Variants in CCDC50 observed in about 807,000 individuals in gnomAD.
CCDC50 encodes coiled-coil domain-containing protein 50.
Under a neutral mutation model 70.2 loss-of-function variants are expected in CCDC50, and 54 were observed. The ratio of observed to expected loss-of-function variants is 0.77; its 90% confidence interval spans 0.62 to 0.96. The LOEUF is 0.96. CCDC50 is among the 50% of genes least tolerant of loss of function. The pLI is 0.00. For missense variants in CCDC50, 558 were observed against 578.7 expected (o/e 0.96, Z 0.37); for synonymous variants, 216 against 198.8 (o/e 1.09, Z -0.73).
chr3:191,364,278 A>G (rs530712719), intron 4 of CCDC50, among the ~76,000 whole-genome samples: 1 of 152,088 alleles, frequency 6.6e-6, no homozygotes, highest in African/African-American at 2.4e-5. Flanking sequence ...CATGTTGGCT[A>G]GGATGGTATT....
rs79890347 is a variant in CCDC50 at position 191,380,116 on chromosome 3, C to T, written c.977-43C>T. ...AATTTCTTAACTTTTCAGAAAACAT[C>T]CTCGGTTGTTTTATTACATTGAGTT... is the stretch of plus-strand genomic sequence containing the variant. On this transcript the variant is annotated intron_variant, in intron 6 of 11. Transcript: ENST00000392455. The T allele has an allele frequency of 3.4e-3, 4,246 of 1,235,144 alleles. 122 individuals are homozygous for T. The African/African-American group carries it at 0.059, about 17-fold the overall frequency. 76.5% of individuals were successfully genotyped at this position (1,235,144 alleles called of 1,614,324 possible). A position where few individuals can be genotyped will look rare whatever the true frequency, so the allele number is the denominator to read the frequency against.
chr3:191,357,007 T>TAA (rs879004278), intron 1 of CCDC50, 81 bp from the exon 2 acceptor site: 38 of 762,788 alleles, frequency 5.0e-5, no homozygotes, highest in Middle Eastern at 2.4e-4. Context: ...TTTTTTAAAG[T>TAA]AAAAAAAAAA....
chr3:191,345,858 G>GT (rs1711897866), intron 1 of CCDC50, among the ~76,000 whole-genome samples: 1 of 152,212 alleles, frequency 6.6e-6, no homozygotes, highest in Admixed American at 6.5e-5. Flanking sequence ...GTGTGCATGT[G>GT]TTGTTGGCAC....
intron 1 of CCDC50, among the ~76,000 whole-genome samples, chr3:191,330,244 G>T (rs1717923584): frequency 6.6e-6 from 1 of 151,876 alleles, no homozygotes; most frequent in Non-Finnish European, 1.5e-5. Flanking sequence ...GTTTAGTCTT[G>T]GCTGTGTTCT....
intron 5 of CCDC50, among the ~76,000 whole-genome samples, chr3:191,373,344 C>G (rs372989789): frequency 6.6e-6 from 1 of 152,222 alleles, no homozygotes; most frequent in Non-Finnish European, 1.5e-5. Flanking sequence ...AATGTAGTAA[C>G]AGCTCTGTAA....
In CCDC50 at chr3:191,375,325, C is replaced by G; in HGVS notation, c.712C>G (p.Leu238Val). Residue 238 changes from leucine (L) to valine (V), a missense_variant, in exon 6 of 12, where the codon CTT (leucine) becomes GTT (valine). By Grantham distance (32) the Leu-to-Val change is conservative. Transcript: ENST00000392455. The stretch of plus-strand genomic sequence containing the variant: ...TCAGGAGAGGCCTCGGAGACCTCTG[C>G]TTCCCACGATCAGTGGTGAAGTGTT... ...STQERPRRPL[L>V]PTISGEVFLS... is the part of the protein sequence containing the mutation. 6.2e-7 allele frequency: 1 copy of G among 1,613,748 alleles called. No individual in the cohort carries two copies. Among genetic ancestry groups the G allele is most frequent in the Non-Finnish European group, 8.5e-7 (1 of 1,179,828 alleles).
rs1717864555 is a variant in CCDC50 at position 191,329,456 on chromosome 3, C to T, written c.-219C>T. On this transcript the variant is annotated 5_prime_UTR_variant, in exon 1 of 12. Transcript: ENST00000392455. ...GGGGACGCGGAGCAGGTGGCCGCGG[C>T]GGGGCAGCTGGGCCGCCAGCTTGGT... 6.4e-6 allele frequency: 3 copies of T among 465,986 alleles called. No homozygotes were observed. The highest frequency in any genetic ancestry group is 4.1e-5 in the South Asian group (1 of 24,682). 28.9% of individuals were successfully genotyped at this position (465,986 alleles called of 1,614,324 possible).
chr3:191,373,680 C>T (rs1458115229), intron 5 of CCDC50, among the ~76,000 whole-genome samples: 10 of 151,298 alleles, frequency 6.6e-5, no homozygotes, highest in Non-Finnish European at 1.5e-5. Flanking sequence ...GTTTTTATCA[C>T]CGGGTAATTC....
chr3:191,362,139 T>C (rs1411649886), intron 4 of CCDC50, among the ~76,000 whole-genome samples: 1 of 152,206 alleles, frequency 6.6e-6, no homozygotes, highest in African/African-American at 2.4e-5. Context: ...TTTTTTTAAA[T>C]TATTTTTTGA....
intron 1 of CCDC50, chr3:191,330,648 A>G (rs758020359): frequency 2.0e-5 from 3 of 152,198 alleles, no homozygotes; most frequent in Non-Finnish European, 4.4e-5. Context: ...TGTCATTTGT[A>G]TCGATTGAAT....
rs1713933557 is a variant in CCDC50 at position 191,398,497 on chromosome 3, G to C, written c.*6737G>C. 6.6e-6 allele frequency: 1 copy of C among 152,160 alleles called. No homozygotes were observed. Among genetic ancestry groups the C allele is most frequent in the South Asian group, 2.1e-4 (1 of 4,822 alleles). 9.4% of individuals were successfully genotyped at this position (152,160 alleles called of 1,614,324 possible). A position where few individuals can be genotyped will look rare whatever the true frequency, so the allele number is the denominator to read the frequency against. ...CATTCAAGGACAGGGAAACTTACGA[G>C]AGTCTTATTATAATTATTATTATTT... On this transcript the variant is annotated 3_prime_UTR_variant, in exon 12 of 12. Coordinates refer to ENST00000392455, the MANE Select transcript of CCDC50 (RefSeq NM_178335.3).
intron 5 of CCDC50, among the ~76,000 whole-genome samples, chr3:191,371,032 G>T (rs1251100971): frequency 2.0e-5 from 3 of 152,208 alleles, no homozygotes; most frequent in Admixed American, 6.5e-5. Context: ...GGTATACCAT[G>T]CATCAGTTAC....
chr3:191,346,265 A>T (rs1711921111), intron 1 of CCDC50, among the ~76,000 whole-genome samples: 1 of 152,230 alleles, frequency 6.6e-6, no homozygotes, highest in South Asian at 2.1e-4. Context: ...TCTCTTTATT[A>T]TGAAATATTT....
intron 11 of CCDC50, 146 bp downstream of exon 11, chr3:191,389,748 T>C (rs1314544132): frequency 1.3e-5 from 9 of 667,580 alleles, no homozygotes; most frequent in Non-Finnish European, 2.1e-5. Context: ...CCTCATTTAT[T>C]AAAACAGTAA....
chr3:191,370,156 G>A, intron 5 of CCDC50, 120 bp downstream of exon 5: 1 of 748,914 alleles, frequency 1.3e-6, no homozygotes, highest in South Asian at 1.4e-5. Flanking sequence ...CCCAGGCACT[G>A]GGTACATTTA....
In CCDC50 at chr3:191,358,051, C is replaced by T; in HGVS notation, c.166C>T (p.Leu56Phe). Residue 56 changes from leucine (L) to phenylalanine (F), a missense_variant, in exon 3 of 12, where the codon CTC becomes TTC. Physicochemically the swap from Leu to Phe is conservative, Grantham distance 22. Transcript: ENST00000392455. ...VQRNRLVQHD[L>F]QVAKQLQEED... ...GCGGAACCGTTTGGTCCAGCATGAT[C>T]TCCAGGTGGCTAAGCAGCTCCAAGA... 6.2e-7 allele frequency: 1 copy of T among 1,614,036 alleles called. No individual in the cohort carries two copies. The highest frequency in any genetic ancestry group is 8.5e-7 in the Non-Finnish European group (1 of 1,179,918).
At chr3:191,361,249 A>C in intron 4 of CCDC50, 90 bp downstream of exon 4, 2 of 889,966 alleles carry the variant, frequency 2.2e-6, no homozygotes, top group Non-Finnish European at 3.8e-6. Flanking sequence ...GGCTCAATGA[A>C]GGGTTTCTGA....
At position 191,347,603 on chromosome 3, in the gene CCDC50, G is replaced by C. The variant is rs6444540; in HGVS notation, c.50-9485G>C. On this transcript the variant is annotated intron_variant, in intron 1 of 11. Coordinates refer to ENST00000392455, the MANE Select transcript of CCDC50 (RefSeq NM_178335.3). ...TACAAATCTCAGCCATCATTTCTTTGTAAGTTGAGTGATCTGTTTAATTGT... is the reference window on the plus strand; with the variant it reads ...TACAAATCTCAGCCATCATTTCTTTCTAAGTTGAGTGATCTGTTTAATTGT... Among the ~76,000 whole-genome samples, 2 of 141,644 alleles carry C rather than the reference G, an allele frequency of 1.4e-5. 1 individual carries two copies. The highest frequency in any genetic ancestry group is 4.4e-4 in the South Asian group (2 of 4,528). 92.9% of individuals were successfully genotyped at this position (141,644 alleles called of 152,430 possible).
At chr3:191,340,381 G>A (rs1264821369) in intron 1 of CCDC50, among the ~76,000 whole-genome samples, 3 of 152,196 alleles carry the variant, frequency 2.0e-5, no homozygotes, top group Admixed American at 2.0e-4. Flanking sequence ...ATGCTAAAGT[G>A]TCATGGAGAT....
Sources: gnomAD v4.1 joint callset for allele counts (sites outside exome capture counted in the v4.1 genomes callset) on GRCh38, gnomAD v4.1.1 for gene constraint, MANE v1.5 for transcripts, NCBI Gene and HGNC (gene_info 2026-07-23, HGNC 2026-07-21) for gene names.